The following DSE variants were observed in gnomAD, a reference collection of about 807,000 sequenced individuals.
The protein encoded by DSE is dermatan sulfate epimerase, also known as dermatan-sulfate epimerase.
Under a neutral mutation model 84.4 loss-of-function variants are expected in DSE, and 36 were observed. That is an observed-to-expected ratio of 0.43 (90% CI 0.33 to 0.56). The LOEUF (loss-of-function observed/expected upper bound fraction) is 0.56. Among genes scored for constraint, DSE ranks in the 20% least tolerant of loss-of-function variants. The pLI, the probability that DSE is intolerant of heterozygous loss-of-function variation, is 0.06. For synonymous variants in DSE, 410 were observed against 430.1 expected, an observed-to-expected ratio of 0.95 and a Z score of 0.58; for missense variants, 862 against 1,169.6, an observed-to-expected ratio of 0.74 and a Z score of 3.84.
intron 2 of DSE, among the ~76,000 whole-genome samples, chr6:116,319,459 T>C (rs932118163): frequency 8.5e-5 from 13 of 152,246 alleles, no homozygotes; most frequent in Non-Finnish European, 1.9e-4. Context: ...AATCTAACAC[T>C]GGCCCTTGAA....
chr6:116,287,896 A>G (rs2114664712), intron 2 of DSE, among the ~76,000 whole-genome samples: 1 of 152,236 alleles, frequency 6.6e-6, no homozygotes, highest in East Asian at 1.9e-4. Flanking sequence ...ACTGGTCTTT[A>G]AGAAAGTGAT....
chr6:116,320,887 A>G (rs1776266813), intron 2 of DSE, among the ~76,000 whole-genome samples: 1 of 152,230 alleles, frequency 6.6e-6, no homozygotes, highest in Non-Finnish European at 1.5e-5. Context: ...ACTAGGGCTT[A>G]GCATTTCAAT....
At chr6:116,374,284 C>G (rs911000020) in intron 1 of DSE, among the ~76,000 whole-genome samples, 5 of 152,142 alleles carry the variant, frequency 3.3e-5, no homozygotes, top group African/African-American at 2.4e-5. Context: ...TTTCACCACC[C>G]CACTGCCCCT....
intron 1 of DSE, among the ~76,000 whole-genome samples, chr6:116,381,339 G>A (rs1156307151): frequency 1.3e-5 from 2 of 152,154 alleles, no homozygotes; most frequent in African/African-American, 2.4e-5. Context: ...GAGGAAACGA[G>A]GGATGAGATT....
intron 2 of DSE, among the ~76,000 whole-genome samples, chr6:116,346,027 G>T (rs1418492385): frequency 6.6e-6 from 1 of 152,156 alleles, no homozygotes; most frequent in Non-Finnish European, 1.5e-5. Flanking sequence ...AGAAGAAATG[G>T]ATAAATTCCT....
chr6:116,371,176 G>T (rs1779530635), intron 1 of DSE, 55 bp downstream of exon 1: 2 of 985,614 alleles, frequency 2.0e-6, no homozygotes, highest in African/African-American at 3.5e-5. Context: ...AACTTTCTTC[G>T]GGAGTTTCGG....
chr6:116,353,310 G>A (rs1476873436), intron 2 of DSE, among the ~76,000 whole-genome samples: 1 of 152,184 alleles, frequency 6.6e-6, no homozygotes, highest in Admixed American at 6.5e-5. Context: ...GAGTAGTCAT[G>A]ATGGAATTGT....
upstream of DSE, among the ~76,000 whole-genome samples, chr6:116,368,935 C>T (rs983045902): frequency 1.2e-4 from 4 of 32,622 alleles, no homozygotes; most frequent in Middle Eastern, 0.023. Context: ...TGGGCGGGGG[C>T]GGGGGGACGG....
At chr6:116,329,524 T>G (rs1437060491) in intron 2 of DSE, among the ~76,000 whole-genome samples, 1 of 152,242 alleles carries the variant, frequency 6.6e-6, no homozygotes, top group Non-Finnish European at 1.5e-5. Flanking sequence ...CTATAATTTC[T>G]GGAATTTATT....
Position 116,309,238 on chromosome 6 carries a change from A to G in DSE, c.-54+50271A>G, listed in dbSNP as rs553751158. ...CCTCATCCTGTATACACACAACTCTACTTTTTAGGTGGATTTCTTCCAAGA... is the reference window on the plus strand; with the variant it reads ...CCTCATCCTGTATACACACAACTCTGCTTTTTAGGTGGATTTCTTCCAAGA... On this transcript the variant is annotated intron_variant, in intron 2 of 3. Transcript: ENST00000430252. Among the ~76,000 whole-genome samples the G allele has an allele frequency of 7.9e-5, 12 of 152,064 alleles. No homozygotes were observed. The East Asian group carries it at 1.2e-3, about 15-fold the overall frequency.
intron 2 of DSE, among the ~76,000 whole-genome samples, chr6:116,313,684 G>A (rs79183197): frequency 0.044 from 6,709 of 152,162 alleles, 503 homozygotes; most frequent in African/African-American, 0.15. Context: ...TCTTCAACAG[G>A]CATTCTTTTT....
chr6:116,282,787 G>T (rs1380610742), intron 2 of DSE, among the ~76,000 whole-genome samples: 11 of 152,134 alleles, frequency 7.2e-5, no homozygotes, highest in Non-Finnish European at 1.5e-5. Context: ...GGTCAGTAAA[G>T]GGCAAGGATT....
At chr6:116,419,432 C>T (rs1298107771) in intron 2 of DSE, among the ~76,000 whole-genome samples, 1 of 152,184 alleles carries the variant, frequency 6.6e-6, no homozygotes, top group Middle Eastern at 3.2e-3. Flanking sequence ...TCCAAACACA[C>T]AAAGGTGTTT....
intron 2 of DSE, among the ~76,000 whole-genome samples, chr6:116,268,210 T>C (rs1055093410): frequency 1.3e-5 from 2 of 152,218 alleles, no homozygotes; most frequent in Admixed American, 6.5e-5. Flanking sequence ...AGTTTTTCTA[T>C]GTAGATATGT....
At chr6:116,360,134 A>G (rs1488515458) in intron 2 of DSE, among the ~76,000 whole-genome samples, 2 of 152,196 alleles carry the variant, frequency 1.3e-5, no homozygotes, top group East Asian at 3.9e-4. Context: ...GTTCTCACTT[A>G]TAAGTAGGAG....
intron 2 of DSE, among the ~76,000 whole-genome samples, chr6:116,326,306 G>A (rs992849542): frequency 3.3e-5 from 5 of 152,120 alleles, no homozygotes; most frequent in Admixed American, 1.3e-4. Context: ...GAGACGAAAG[G>A]AAAATCTGAG....
intron 1 of DSE, among the ~76,000 whole-genome samples, chr6:116,398,232 G>A (rs540102578): frequency 6.6e-6 from 1 of 152,156 alleles, no homozygotes; most frequent in African/African-American, 2.4e-5. Context: ...CATTGACTAG[G>A]CTGAGGTTTT....
intron 2 of DSE, among the ~76,000 whole-genome samples, chr6:116,421,449 A>ATATATG (rs1243175083): frequency 0.01 from 697 of 67,782 alleles, 6 homozygotes; most frequent in Non-Finnish European, 0.016. Flanking sequence ...ATACATATAT[A>ATATATG]TATATATATA....
chr6:116,334,599 A>C (rs960512796), intron 2 of DSE, among the ~76,000 whole-genome samples: 1 of 152,190 alleles, frequency 6.6e-6, no homozygotes, highest in African/African-American at 2.4e-5. Context: ...ATCTTTGCCC[A>C]TTCCTACGTC....
Sources: allele counts gnomAD v4.1 joint callset (sites outside exome capture counted in the v4.1 genomes callset), GRCh38; gene constraint gnomAD v4.1.1; transcripts MANE v1.5; gene names NCBI Gene and HGNC (gene_info 2026-07-23, HGNC 2026-07-21).